The following STOML3 variants were observed in gnomAD, a reference collection of about 807,000 sequenced individuals.
STOML3 encodes the protein stomatin-like protein 3.
A neutral mutation model predicts 29.5 loss-of-function variants in STOML3; 31 were observed. That is an observed-to-expected ratio of 1.05 (90% CI 0.79 to 1.42). The LOEUF (loss-of-function observed/expected upper bound fraction) is 1.42. Ranked by LOEUF, STOML3 falls within the 40% of genes most tolerant of loss-of-function variation. The pLI is 0.00. For missense variants in STOML3, 380 were observed against 363.0 expected (o/e 1.05, Z -0.38); for synonymous variants, 122 against 139.8 (o/e 0.87, Z 0.90).
Position 38,968,506 on chromosome 13 carries a change from C to A in STOML3, c.545G>T (p.Trp182Leu). ...QTLLDDATEL[W>L]GIRVARVEIK... ...TTCCACTCGGGCCACCCGGATCCCC[C>A]ACAGTTCGGTGGCATCATCAAGTAA... The change falls in exon 6 of 7, where the codon TGG becomes TTG. Residue 182 changes from tryptophan (W) to leucine (L), a missense_variant. Coordinates refer to ENST00000379631, the MANE Select transcript of STOML3 (RefSeq NM_145286.3). 1 of 1,614,178 alleles carries A rather than the reference C, an allele frequency of 6.2e-7. No individual in the cohort carries two copies. Among genetic ancestry groups the A allele is most frequent in the Non-Finnish European group, 8.5e-7 (1 of 1,180,024 alleles).
At chr13:38,983,447 C>A (rs1485560632) in intron 1 of STOML3, among the ~76,000 whole-genome samples, 1 of 152,096 alleles carries the variant, frequency 6.6e-6, no homozygotes, top group Non-Finnish European at 1.5e-5. Flanking sequence ...TTTACCAAAT[C>A]GGATTCTAAA....
At chr13:38,977,204 G>A (rs1400199836) in intron 1 of STOML3, among the ~76,000 whole-genome samples, 2 of 152,194 alleles carry the variant, frequency 1.3e-5, no homozygotes, top group African/African-American at 4.8e-5. Flanking sequence ...TTTAAGGCAG[G>A]TAGGTAAGTA....
chr13:38,979,621 C>T (rs1881205734), intron 1 of STOML3, among the ~76,000 whole-genome samples: 1 of 152,210 alleles, frequency 6.6e-6, no homozygotes, highest in Non-Finnish European at 1.5e-5. Flanking sequence ...ATCTACCTCA[C>T]TCTTCTTTAT....
intron 1 of STOML3, among the ~76,000 whole-genome samples, chr13:38,977,705 C>G (rs1010821522): frequency 6.7e-6 from 1 of 149,432 alleles, no homozygotes; most frequent in Non-Finnish European, 1.5e-5. Flanking sequence ...ACCTAAAACT[C>G]TGTAGCTTTA....
At chr13:38,985,933 T>G (rs1262837806) in intron 1 of STOML3, among the ~76,000 whole-genome samples, 28 of 139,804 alleles carry the variant, frequency 2.0e-4, no homozygotes, top group African/African-American at 6.6e-4. Flanking sequence ...TTTTTTTTTT[T>G]GTTTGAGAGA....
intron 1 of STOML3, chr13:38,980,261 A>G: frequency 1.2e-6 from 1 of 846,578 alleles, no homozygotes. Context: ...CTGCCAGTTA[A>G]AGTGGGGCTG....
At position 38,966,588 on chromosome 13, in the gene STOML3, T is replaced by C; in HGVS notation, c.*237A>G. On this transcript the variant is annotated 3_prime_UTR_variant, in exon 7 of 7. Coordinates refer to ENST00000379631, the MANE Select transcript of STOML3 (RefSeq NM_145286.3). ...GTCGGAGACCACCACTAATTAATTA[T>C]ATAAGAATATTACAAAGTTGATTAT... The C allele has an allele frequency of 3.0e-6, 1 of 336,840 alleles. No individual in the cohort carries two copies. Among genetic ancestry groups the C allele is most frequent in the Non-Finnish European group, 5.4e-6 (1 of 185,280 alleles). 20.9% of individuals were successfully genotyped at this position (336,840 alleles called of 1,614,324 possible).
At chr13:38,976,890 C>A in intron 1 of STOML3, 93 bp from the exon 2 acceptor site, 1 of 1,074,156 alleles carries the variant, frequency 9.3e-7, no homozygotes, top group Non-Finnish European at 1.4e-6. Flanking sequence ...AGACAGCTGG[C>A]CAAGCCTGAT....
rs1218306125 is a variant in STOML3, at chr13:38,988,186, A to G, written c.52+2484T>C. Among the ~76,000 whole-genome samples, 82 of 70,194 alleles carry G rather than the reference A, an allele frequency of 1.2e-3. 2 individuals are homozygous for G. The highest frequency in any genetic ancestry group is 5.7e-3 in the South Asian group (11 of 1,940). 46.0% of individuals were successfully genotyped at this position (70,194 alleles called of 152,430 possible). A position where few individuals can be genotyped will look rare whatever the true frequency, so the allele number is the denominator to read the frequency against. Reference sequence around the variant, plus strand: ...ATATATAATATATTATATTTTATATAAAATATATTATATTTCATATAAAAT... The same window carrying G: ...ATATATAATATATTATATTTTATATGAAATATATTATATTTCATATAAAAT... On this transcript the variant is annotated intron_variant, in intron 1 of 6. Coordinates refer to ENST00000379631, the MANE Select transcript of STOML3 (RefSeq NM_145286.3).
intron 1 of STOML3, among the ~76,000 whole-genome samples, chr13:38,985,481 C>A (rs1364308111): frequency 6.6e-6 from 1 of 152,066 alleles, no homozygotes; most frequent in Non-Finnish European, 1.5e-5. Context: ...GTTTTCCTTG[C>A]ATCATCTTAT....
At chr13:38,977,992 C>A (rs907556973) in intron 1 of STOML3, among the ~76,000 whole-genome samples, 1 of 151,796 alleles carries the variant, frequency 6.6e-6, no homozygotes, top group Non-Finnish European at 1.5e-5. Context: ...AATCTCCTAA[C>A]CTTGTGATCT....
chr13:38,970,849 C>T (rs1052379200), intron 4 of STOML3, among the ~76,000 whole-genome samples: 3 of 152,064 alleles, frequency 2.0e-5, no homozygotes, highest in Admixed American at 1.3e-4. Context: ...AAAGAAAAAT[C>T]GATTTCGCTC....
At chr13:38,989,077 G>A (rs1202466845) in intron 1 of STOML3, among the ~76,000 whole-genome samples, 2 of 149,212 alleles carry the variant, frequency 1.3e-5, no homozygotes, top group Admixed American at 6.8e-5. Context: ...ATATATCTGA[G>A]TTGCAAGGGC....
rs755594311 is a variant in STOML3, at chr13:38,966,778, G to T, written c.*47C>A. 2 of 1,510,628 alleles carry T rather than the reference G, an allele frequency of 1.3e-6. No individual in the cohort carries two copies. Among genetic ancestry groups the T allele is most frequent in the East Asian group, 2.3e-5 (1 of 44,314 alleles). 93.6% of individuals were successfully genotyped at this position (1,510,628 alleles called of 1,614,324 possible). On this transcript the variant is annotated 3_prime_UTR_variant, in exon 7 of 7. Coordinates refer to ENST00000379631, the MANE Select transcript of STOML3 (RefSeq NM_145286.3). ...TTTCTAACTACTGGCTTCTCCATAG[G>T]AATAGACACCACTCTCTATGCAATA...
intron 1 of STOML3, among the ~76,000 whole-genome samples, chr13:38,989,689 T>A (rs142383988): frequency 0.024 from 3,689 of 151,814 alleles, 73 homozygotes; most frequent in Non-Finnish European, 0.034. Context: ...TAGAGATGAG[T>A]TTTTGCCATT....
At chr13:38,988,730 G>T (rs1868849652) in intron 1 of STOML3, among the ~76,000 whole-genome samples, 1 of 139,794 alleles carries the variant, frequency 7.2e-6, no homozygotes. Context: ...GTGACAACTG[G>T]AAAAACATAT....
chr13:38,977,249 GAAAAATATCC>G (rs1881114232), intron 1 of STOML3, among the ~76,000 whole-genome samples: 1 of 152,184 alleles, frequency 6.6e-6, no homozygotes, highest in Non-Finnish European at 1.5e-5. Flanking sequence ...GTGGTACATG[GAAAAATATCC>G]TGCAAAATCC....
intron 4 of STOML3, among the ~76,000 whole-genome samples, chr13:38,970,664 G>A (rs1205053266): frequency 6.6e-6 from 1 of 152,064 alleles, no homozygotes; most frequent in Non-Finnish European, 1.5e-5. Flanking sequence ...CTAAGAACAG[G>A]CCCTTCCATT....
chr13:38,987,804 ATATATAATATATTATATTT>A (rs1204113261), intron 1 of STOML3, among the ~76,000 whole-genome samples: 1,767 of 104,340 alleles, frequency 0.017, 117 homozygotes, highest in Non-Finnish European at 0.026. Context: ...ATTATATTTT[ATATATAATATATTATATTT>A]TATATAATAT....
Sources: gnomAD v4.1 joint callset for allele counts (sites outside exome capture counted in the v4.1 genomes callset) on GRCh38, gnomAD v4.1.1 for gene constraint, MANE v1.5 for transcripts, NCBI Gene and HGNC (gene_info 2026-07-23, HGNC 2026-07-21) for gene names.